INPP5B: variants seen among roughly 807,000 people sequenced by gnomAD.
INPP5B encodes the protein type II inositol 1,4,5-trisphosphate 5-phosphatase.
In INPP5B, 90 loss-of-function variants were observed where a neutral mutation model predicts 118.5. That is an observed-to-expected ratio of 0.76 (90% CI 0.64 to 0.90). The LOEUF (loss-of-function observed/expected upper bound fraction) is 0.90, where lower values mean the gene tolerates loss of function less well. Ranked by LOEUF, INPP5B falls within the 40% of genes least tolerant of loss-of-function variation. The pLI is 0.00. For synonymous variants in INPP5B, 385 were observed against 418.9 expected, an observed-to-expected ratio of 0.92 and a Z score of 0.99; for missense variants, 984 against 1,125.6, an observed-to-expected ratio of 0.87 and a Z score of 1.80.
chr1:37,943,828 A>G lies in INPP5B; in HGVS notation c.218T>C (p.Val73Ala). Residue 73 changes from valine (V) to alanine (A), a missense_variant, in exon 4 of 24, where the codon GTG becomes GCG. Transcript: ENST00000373024. ...TGDDVSLDQI[V>A]PVSRDFTLEE... ...CAGCGTAAAATCCCGCGAGACTGGC[A>G]CTATCTGGTCCAGAGAGACATCGTC... The G allele has an allele frequency of 1.2e-6, 2 of 1,614,136 alleles. No individual in the cohort carries two copies. The highest frequency in any genetic ancestry group is 1.7e-6 in the Non-Finnish European group (2 of 1,180,010).
chr1:37,941,863 G>A (rs1438929870), intron 5 of INPP5B, among the ~76,000 whole-genome samples: 6 of 124,504 alleles, frequency 4.8e-5, no homozygotes, highest in South Asian at 2.7e-4. Flanking sequence ...GCGTGAACCC[G>A]GGAGGCGGAG....
chr1:37,864,216 T>C, intron 23 of INPP5B, 96 bp downstream of exon 23: 1 of 677,588 alleles, frequency 1.5e-6, no homozygotes, highest in Middle Eastern at 2.5e-4. Flanking sequence ...ATATTTTAGT[T>C]CTACTGCAAG....
chr1:37,943,632 C>T lies in INPP5B; in HGVS notation c.280+8G>A, dbSNP rs200497323. The stretch of plus-strand genomic sequence containing the variant: ...CCGAGTGGGACCCAGACCAAGAGGA[C>T]CACTCACCAAGGATGTAGAGTTCAC... On this transcript the variant is annotated splice_region_variant and intron_variant, in intron 5 of 23. Coordinates refer to ENST00000373024, the MANE Select transcript of INPP5B (RefSeq NM_005540.3). The T allele has an allele frequency of 6.6e-5, 106 of 1,613,738 alleles. No individual in the cohort carries two copies. Among genetic ancestry groups the T allele is most frequent in the Non-Finnish European group, 8.6e-5 (102 of 1,179,886 alleles).
At chr1:37,933,274 G>C (rs1645559999) in intron 6 of INPP5B, among the ~76,000 whole-genome samples, 1 of 152,170 alleles carries the variant, frequency 6.6e-6, no homozygotes, top group African/African-American at 2.4e-5. Flanking sequence ...ATATATAGTA[G>C]GGCCAGGCGC....
At chr1:37,891,932 T>C (rs1557656891) in intron 7 of INPP5B, among the ~76,000 whole-genome samples, 2 of 152,218 alleles carry the variant, frequency 1.3e-5, no homozygotes, top group African/African-American at 4.8e-5. Context: ...CCACAGACCA[T>C]ACACAGAAGG....
chr1:37,917,308 T>A (rs1224479961), intron 7 of INPP5B, among the ~76,000 whole-genome samples: 1 of 92,804 alleles, frequency 1.1e-5, no homozygotes, highest in East Asian at 3.4e-4. Flanking sequence ...AAAAAAATAA[T>A]TATATATATA....
chr1:37,904,328 A>T (rs972588746), intron 7 of INPP5B, among the ~76,000 whole-genome samples: 21 of 152,164 alleles, frequency 1.4e-4, no homozygotes, highest in African/African-American at 4.8e-4. Context: ...CGTCTCAAAA[A>T]AAAATAATAA....
At chr1:37,941,720 C>T (rs1342792770) in intron 5 of INPP5B, among the ~76,000 whole-genome samples, 4 of 148,320 alleles carry the variant, frequency 2.7e-5, no homozygotes, top group African/African-American at 9.9e-5. Context: ...GGGCGGATCA[C>T]GAGGTCAGGA....
At chr1:37,876,112 T>G (rs1295484278) in intron 16 of INPP5B, among the ~76,000 whole-genome samples, 1 of 151,730 alleles carries the variant, frequency 6.6e-6, no homozygotes, top group Admixed American at 6.6e-5. Flanking sequence ...AGTTTGTTTT[T>G]TTTTTTTTTT....
rs146324759 is a variant in INPP5B at position 37,863,466 on chromosome 1, G to T, written c.2626+846C>A. On this transcript the variant is annotated intron_variant, in intron 23 of 23. Coordinates refer to ENST00000373024, the MANE Select transcript of INPP5B (RefSeq NM_005540.3). ...GGTGGCGGAGGATGCAGTGAGCTGA[G>T]ATCACGCCACTGCACTCCAGCCTGG... 6.0e-3 allele frequency among the ~76,000 whole-genome samples: 914 copies of T among 152,212 alleles called. 10 individuals are homozygous for T. Among genetic ancestry groups the T allele is most frequent in the African/African-American group, 0.021 (859 of 41,522 alleles).
intron 20 of INPP5B, 126 bp from the exon 21 acceptor site, chr1:37,866,669 A>T: frequency 1.5e-6 from 1 of 663,420 alleles, no homozygotes; most frequent in Non-Finnish European, 2.7e-6. Flanking sequence ...GAATCACCTG[A>T]CAGATGATCT....
Position 37,943,778 on chromosome 1 carries a change from C to A in INPP5B, c.250+18G>T. 2 of 1,612,828 alleles carry A rather than the reference C, an allele frequency of 1.2e-6. No individual in the cohort carries two copies. The highest frequency in any genetic ancestry group is 1.7e-6 in the Non-Finnish European group (2 of 1,178,834). ...GGCCCATAGGAGAGGATTCATACCA[C>A]CCAGCCCCCTGTGGCACCTTCTTCC... On this transcript the variant is annotated intron_variant, in intron 4 of 23. Transcript: ENST00000373024.
intron 11 of INPP5B, 33 bp from the exon 12 acceptor site, chr1:37,887,037 T>G: frequency 6.3e-7 from 1 of 1,576,186 alleles, no homozygotes; most frequent in Non-Finnish European, 8.7e-7. Flanking sequence ...TAAATAGAAA[T>G]TGCAAACAGG....
At chr1:37,868,006 C>T (rs1446051972) in intron 20 of INPP5B, among the ~76,000 whole-genome samples, 1 of 152,168 alleles carries the variant, frequency 6.6e-6, no homozygotes, top group Non-Finnish European at 1.5e-5. Flanking sequence ...CTATGCAACG[C>T]TGCTTCCCTT....
chr1:37,902,990 A>AAAAAAG (rs1644385179), intron 7 of INPP5B, among the ~76,000 whole-genome samples: 1 of 151,920 alleles, frequency 6.6e-6, no homozygotes, highest in Non-Finnish European at 1.5e-5. Context: ...CTCAAAAAAA[A>AAAAAAG]AAAAGAAAAG....
At position 37,941,887 on chromosome 1, in the gene INPP5B, G is replaced by A. The variant is rs55778164; in HGVS notation, c.281-1089C>T. On this transcript the variant is annotated intron_variant, in intron 5 of 23. Transcript: ENST00000373024. ...CGGGAGGCGGAGCTTGCAGTGAGCC[G>A]AGATCGCGCCACTGCACTCCAGCCT... Among the ~76,000 whole-genome samples, 823 of 107,186 alleles carry A rather than the reference G, an allele frequency of 7.7e-3. 6 individuals carry two copies. The highest frequency in any genetic ancestry group is 0.027 in the African/African-American group (770 of 29,038). 70.3% of individuals were successfully genotyped at this position (107,186 alleles called of 152,430 possible).
chr1:37,898,464 G>A (rs1644205245), intron 7 of INPP5B, among the ~76,000 whole-genome samples: 1 of 152,198 alleles, frequency 6.6e-6, no homozygotes, highest in Non-Finnish European at 1.5e-5. Flanking sequence ...GGGAGGCCGA[G>A]GCGGGTGGAT....
At chr1:37,880,694 A>G (rs1283967179) in intron 14 of INPP5B, among the ~76,000 whole-genome samples, 1 of 150,786 alleles carries the variant, frequency 6.6e-6, no homozygotes, top group Non-Finnish European at 1.5e-5. Context: ...CGGCCTCCCA[A>G]AGTGCTGGGA....
At chr1:37,944,931 C>T (rs1646064852) in intron 3 of INPP5B, among the ~76,000 whole-genome samples, 2 of 152,092 alleles carry the variant, frequency 1.3e-5, no homozygotes, top group African/African-American at 4.8e-5. Context: ...ACTCACTTTA[C>T]TCTTTAATAT....
Sources: gnomAD v4.1 joint callset for allele counts (sites outside exome capture counted in the v4.1 genomes callset) on GRCh38, gnomAD v4.1.1 for gene constraint, MANE v1.5 for transcripts, NCBI Gene and HGNC (gene_info 2026-07-23, HGNC 2026-07-21) for gene names.